MED23: variants seen among roughly 807,000 people sequenced by gnomAD.
MED23 encodes mediator of RNA polymerase II transcription subunit 23.
A neutral mutation model predicts 163.9 loss-of-function variants in MED23; 105 were observed. The ratio of observed to expected loss-of-function variants is 0.64; its 90% CI spans 0.55 to 0.75. The LOEUF is 0.75. Ranked by LOEUF, MED23 falls within the 30% of genes least tolerant of loss-of-function variation. The pLI is 0.00. For synonymous variants in MED23, 561 were observed against 565.6 expected (o/e 0.99, Z 0.12); for missense variants, 1,054 against 1,649.0 (o/e 0.64, Z 6.25).
At position 131,618,425 on chromosome 6, in the gene MED23, G is replaced by T. The variant is rs780376265; in HGVS notation, c.762C>A (p.Gly254=). 2 of 1,613,146 alleles carry T rather than the reference G, an allele frequency of 1.2e-6. No individual in the cohort carries two copies. The highest frequency in any genetic ancestry group is 1.7e-6 in the Non-Finnish European group (2 of 1,179,216). Residue 254 remains glycine (G), a synonymous_variant, in exon 9 of 29, where the codon GGC becomes GGA. Coordinates refer to ENST00000368068, the MANE Select transcript of MED23 (RefSeq NM_004830.4). ...DPATLRFPLK[G]LLPYDKDLFE... ...AACATACCTTATCATATGGCAAAAG[G>T]CCTTTCAAAGGAAAACGAAGAGTAG...
intron 22 of MED23, among the ~76,000 whole-genome samples, chr6:131,595,382 C>T (rs900750891): frequency 1.3e-5 from 2 of 152,192 alleles, no homozygotes; most frequent in African/African-American, 4.8e-5. Flanking sequence ...CTGCTGCCAA[C>T]TATAACTGGA....
intron 12 of MED23, among the ~76,000 whole-genome samples, chr6:131,607,243 G>A (rs1775921096): frequency 6.6e-6 from 1 of 151,324 alleles, no homozygotes; most frequent in African/African-American, 2.4e-5. Flanking sequence ...GCTAGTGCAT[G>A]GTGGGGTTAC....
rs372574061 is a variant in MED23 at position 131,598,799 on chromosome 6, G to A, written c.2221-38C>T. 6.3e-7 allele frequency: 1 copy of A among 1,578,244 alleles called. No individual in the cohort carries two copies. The highest frequency in any genetic ancestry group is 8.7e-7 in the Non-Finnish European group (1 of 1,147,592). On this transcript the variant is annotated intron_variant, in intron 18 of 28. Transcript: ENST00000368068. This position sits in a 1 kb window ranked among gnomAD's most constrained non-coding sequence, Gnocchi z 4.7. ...TTAGAAGTTTATTTCATTGGTTATAGTAGAAAGAGCACTGGATATGGAGTT... is the reference window on the plus strand; with the variant it reads ...TTAGAAGTTTATTTCATTGGTTATAATAGAAAGAGCACTGGATATGGAGTT...
At chr6:131,605,937 G>A (rs1351586018) in intron 13 of MED23, among the ~76,000 whole-genome samples, 2 of 152,060 alleles carry the variant, frequency 1.3e-5, no homozygotes, top group South Asian at 2.1e-4. Flanking sequence ...GAAGAGAAGT[G>A]GCAGTCCTTC....
chr6:131,620,022 G>A, intron 7 of MED23, 126 bp from the exon 8 acceptor site: 1 of 692,692 alleles, frequency 1.4e-6, no homozygotes, highest in Non-Finnish European at 2.6e-6. Flanking sequence ...CATGATAACT[G>A]TTTAAAGGTT....
intron 8 of MED23, 23 bp downstream of exon 8, chr6:131,619,804 C>T (rs1355257444): frequency 6.5e-7 from 1 of 1,547,282 alleles, no homozygotes; most frequent in Non-Finnish European, 8.9e-7. Flanking sequence ...TACTATTTGG[C>T]ATATTTAAAA....
intron 17 of MED23, among the ~76,000 whole-genome samples, 192 bp downstream of exon 17, chr6:131,602,026 G>A (rs1172462314): frequency 3.3e-5 from 5 of 152,096 alleles, no homozygotes; most frequent in East Asian, 1.9e-4. Context: ...GATGCTCAAC[G>A]CAGTTATTAA....
intron 30 of MED23, among the ~76,000 whole-genome samples, chr6:131,581,672 A>G (rs191104481): frequency 6.6e-6 from 1 of 152,308 alleles, no homozygotes; most frequent in African/African-American, 2.4e-5. Context: ...AGGTTAACCA[A>G]CTTGCCCAAG....
chr6:131,574,114 A>C, exon 31 of MED23: 1 of 752,804 alleles, frequency 1.3e-6, no homozygotes, highest in Non-Finnish European at 2.3e-6. Context: ...GTGTGATGAC[A>C]GAACACCTTA....
chr6:131,592,293 T>C, intron 25 of MED23, 95 bp downstream of exon 25: 1 of 1,058,250 alleles, frequency 9.4e-7, no homozygotes, highest in Non-Finnish European at 1.5e-6. Flanking sequence ...TGACGTCCCG[T>C]ACAAGGGCAT....
intron 10 of MED23, among the ~76,000 whole-genome samples, chr6:131,611,828 T>C (rs1035299866): frequency 1.3e-5 from 2 of 152,160 alleles, no homozygotes; most frequent in African/African-American, 4.8e-5. Context: ...CTTCCATCAA[T>C]CTGCTTTAGG....
intron 10 of MED23, among the ~76,000 whole-genome samples, chr6:131,611,904 G>C (rs915012064): frequency 6.6e-6 from 1 of 152,046 alleles, no homozygotes; most frequent in African/African-American, 2.4e-5. Context: ...TCCTTTTTTA[G>C]TATTAGCTAT....
At position 131,605,332 on chromosome 6, in the gene MED23, T is replaced by C. The variant is rs1775778640; in HGVS notation, c.1521A>G (p.Ile507Met). 7.4e-6 allele frequency: 12 copies of C among 1,613,292 alleles called. No homozygotes were observed. Among genetic ancestry groups the C allele is most frequent in the Non-Finnish European group, 9.3e-6 (11 of 1,179,520 alleles). ...ETIYGNGIMR[I>M]PLPGTNCMAS... The stretch of plus-strand genomic sequence containing the variant: ...CCATACAGTTTGTTCCAGGGAGAGG[T>C]ATCCTCATAATTCCATTTCCATAAA... Residue 507 changes from isoleucine to methionine, a missense_variant, in exon 14 of 29, where the codon ATA (isoleucine) becomes ATG (methionine). By Grantham distance (10) the Ile-to-Met change is conservative. Transcript: ENST00000368068.
At chr6:131,579,131 G>T in intron 30 of MED23, 4 of 1,614,112 alleles carry the variant, frequency 2.5e-6, no homozygotes, top group Non-Finnish European at 3.4e-6. Flanking sequence ...GAAGGATTAT[G>T]GGGACCTGCC....
chr6:131,581,484 C>G (rs1251743897), intron 30 of MED23: 29 of 1,324,908 alleles, frequency 2.2e-5, no homozygotes, highest in Non-Finnish European at 2.9e-5. Context: ...TTGGTGTAAT[C>G]TCAAATCATT....
At chr6:131,586,113 G>A (rs1774165542), downstream of MED23, among the ~76,000 whole-genome samples, 1 of 152,108 alleles carries the variant, frequency 6.6e-6, no homozygotes, top group African/African-American at 2.4e-5. Context: ...GAGTCTGCAG[G>A]GGCCGGGCAC....
chr6:131,586,058 C>T (rs1774164186), downstream of MED23, among the ~76,000 whole-genome samples: 1 of 152,158 alleles, frequency 6.6e-6, no homozygotes, highest in African/African-American at 2.4e-5. Context: ...CTAAGATTAA[C>T]ACTTGAAATA....
At chr6:131,593,347 C>A (rs1233045512) in intron 23 of MED23, among the ~76,000 whole-genome samples, 176 bp from the exon 24 acceptor site, 1 of 152,130 alleles carries the variant, frequency 6.6e-6, no homozygotes, top group Admixed American at 6.5e-5. Flanking sequence ...ATTTGATTAA[C>A]CACAGGTATA....
At chr6:131,600,218 TA>T in intron 17 of MED23, 56 bp from the exon 18 acceptor site, 2 of 1,477,348 alleles carry the variant, frequency 1.4e-6, no homozygotes, top group Non-Finnish European at 1.9e-6. Context: ...CCACAATTCA[TA>T]AAAGATTATA....
Sources: gnomAD v4.1 joint callset for allele counts (sites outside exome capture counted in the v4.1 genomes callset) on GRCh38, gnomAD v4.1.1 for gene constraint, Gnocchi (gnomAD v3.1) non-coding constraint, MANE v1.5 for transcripts, NCBI Gene and HGNC (gene_info 2026-07-23, HGNC 2026-07-21) for gene names.